The following PIANP variants were observed in gnomAD, a reference collection of about 807,000 sequenced individuals.
The protein encoded by PIANP is PILR alpha-associated neural protein.
In PIANP, 14 loss-of-function variants were observed where a neutral mutation model predicts 28.9. The ratio of observed to expected loss-of-function variants is 0.49; its 90% CI spans 0.32 to 0.76. The LOEUF is 0.76. PIANP is among the 30% of genes least tolerant of loss of function. The pLI is 0.03. For missense variants in PIANP, 322 were observed against 371.8 expected, an observed-to-expected ratio of 0.87 and a Z score of 1.10; for synonymous variants, 149 against 156.6, an observed-to-expected ratio of 0.95 and a Z score of 0.36.
Position 6,697,374 on chromosome 12 carries a change from C to G in PIANP, c.436G>C (p.Asp146His). The G allele has an allele frequency of 1.2e-6, 2 of 1,614,070 alleles. No homozygotes were observed. The highest frequency in any genetic ancestry group is 1.7e-6 in the Non-Finnish European group (2 of 1,179,902). Residue 146 changes from aspartate (D) to histidine (H), a missense_variant, in exon 3 of 5, where the codon GAC (aspartate) becomes CAC (histidine). Asp to His is a moderately conservative substitution (Grantham distance 81). Transcript: ENST00000534837. This position sits in a 1 kb window ranked among gnomAD's most constrained non-coding sequence, Gnocchi z 6.9. ...CCATCTCCATCACCTCGCATGGAGT[C>G]TGAGTTGGGGTGTGGGGTTGCGAGC... ...HGLATPHPNS[D>H]SMRGDGDGLI... is the part of the protein sequence containing the mutation.
At position 6,700,118 on chromosome 12, in the gene PIANP, C is replaced by T. The variant is rs572776965; in HGVS notation, c.-44+496G>A. On this transcript the variant is annotated intron_variant, in intron 1 of 4. Transcript: ENST00000534837. The surrounding 1 kb of genome is among the most constrained non-coding windows in gnomAD (Gnocchi z 5.5). ...GCTGGCGCGCCACCCCCACCCCTCT[C>T]CCAGCTTCTCACCGACCTGTTGTGC... 3.9e-5 allele frequency: 6 copies of T among 152,340 alleles called. No individual in the cohort carries two copies. Among genetic ancestry groups the T allele is most frequent in the Non-Finnish European group, 7.3e-5 (5 of 68,058 alleles). The allele number at this position is 152,340 out of a possible 1,614,324, so 9.4% of individuals were successfully genotyped here.
At position 6,696,430 on chromosome 12, in the gene PIANP, C is replaced by T. The variant is rs762242748; in HGVS notation, c.605+13G>A. The stretch of plus-strand genomic sequence containing the variant: ...CGTCCCCATCCACCAGCACCTTCCT[C>T]CTCCCAGCTTACCAGAACTTGAAGA... On this transcript the variant is annotated intron_variant, in intron 4 of 4. Transcript: ENST00000534837. The surrounding 1 kb of genome is among the most constrained non-coding windows in gnomAD (Gnocchi z 4.0). 3.9e-5 allele frequency: 62 copies of T among 1,581,072 alleles called. No individual in the cohort carries two copies. Among genetic ancestry groups the T allele is most frequent in the Non-Finnish European group, 5.2e-5 (60 of 1,162,496 alleles).
At chr12:6,698,981 C>T (rs934802757) in intron 1 of PIANP, among the ~76,000 whole-genome samples, 1 of 152,198 alleles carries the variant, frequency 6.6e-6, no homozygotes. Flanking sequence ...CAGTGGCTCA[C>T]GCCTGTAATC....
Position 6,695,179 on chromosome 12 carries a change from C to T in PIANP, c.*247G>A. ...GGCAGAGTTGTCTTAGACAAGGTGG[C>T]ATGAGAAAAAACCAAAGAGGGCAGA... On this transcript the variant is annotated 3_prime_UTR_variant, in exon 5 of 5. Transcript: ENST00000534837. This position sits in a 1 kb window ranked among gnomAD's most constrained non-coding sequence, Gnocchi z 4.2. 6.9e-7 allele frequency: 1 copy of T among 1,458,386 alleles called. No individual in the cohort carries two copies. Among genetic ancestry groups the T allele is most frequent in the East Asian group, 2.5e-5 (1 of 39,688 alleles). The allele number at this position is 1,458,386 out of a possible 1,614,324, so 90.3% of individuals were successfully genotyped here. A position where few individuals can be genotyped will look rare whatever the true frequency, so the allele number is the denominator to read the frequency against.
chr12:6,700,268 G>A lies in PIANP; in HGVS notation c.-44+346C>T, dbSNP rs1960014534. Reference sequence around the variant, plus strand: ...TCCCCGCACAGGGCTGGAGAGCGGCGAGAGTGGGGGGAGACGAGGAAAAGG... The same window carrying A: ...TCCCCGCACAGGGCTGGAGAGCGGCAAGAGTGGGGGGAGACGAGGAAAAGG... On this transcript the variant is annotated intron_variant, in intron 1 of 4. Coordinates refer to ENST00000534837, the MANE Select transcript of PIANP (RefSeq NM_001244014.2). The surrounding 1 kb of genome is among the most constrained non-coding windows in gnomAD (Gnocchi z 5.5). The A allele has an allele frequency of 6.6e-6, 1 of 152,476 alleles. No homozygotes were observed. Among genetic ancestry groups the A allele is most frequent in the African/African-American group, 2.4e-5 (1 of 41,466 alleles). The allele number at this position is 152,476 out of a possible 1,614,324, so 9.4% of individuals were successfully genotyped here.
intron 1 of PIANP, chr12:6,698,596 A>G (rs1040750226): frequency 7.1e-6 from 1 of 140,288 alleles, no homozygotes; most frequent in Admixed American, 7.6e-5. Context: ...CATTTGTCTT[A>G]TGATTAGCCC....
In PIANP at chr12:6,695,689, CAAGT is replaced by C. The variant is rs1337542325; in HGVS notation, c.606-42_606-39del. On this transcript the variant is annotated intron_variant, in intron 4 of 4. Coordinates refer to ENST00000534837, the MANE Select transcript of PIANP (RefSeq NM_001244014.2). This position sits in a 1 kb window ranked among gnomAD's most constrained non-coding sequence, Gnocchi z 4.2. ...AGGAAAAGAGGTTCTCTTGCACACT[CAAGT>C]AGCCCCCATCCTGGGCCTGCACCAG... 15 of 1,433,680 alleles carry C rather than the reference CAAGT, an allele frequency of 1.0e-5. No individual in the cohort carries two copies. The South Asian group carries it at 2.0e-4, about 19-fold the overall frequency. The allele number at this position is 1,433,680 out of a possible 1,614,324, so 88.8% of individuals were successfully genotyped here.
chr12:6,697,779 G>A lies in PIANP; in HGVS notation c.31C>T (p.Leu11=). MESRMWPALL[L]SHLLPLWPLL... ...GGCCAGAGAGGGAGGAGGTGGGACA[G>A]CAGCAGCGCAGGCCTGCAAGAAGGG... The change falls in exon 3 of 5, where the codon CTG becomes TTG. Residue 11 remains leucine (L), a synonymous_variant. Transcript: ENST00000534837. The surrounding 1 kb of genome is among the most constrained non-coding windows in gnomAD (Gnocchi z 6.9). The A allele has an allele frequency of 6.5e-7, 1 of 1,545,258 alleles. No individual in the cohort carries two copies. Among genetic ancestry groups the A allele is most frequent in the Non-Finnish European group, 8.7e-7 (1 of 1,148,988 alleles).
rs1269521039 is a variant in PIANP at position 6,694,029 on chromosome 12, G to C, written c.*1397C>G. On this transcript the variant is annotated 3_prime_UTR_variant, in exon 5 of 5. Coordinates refer to ENST00000534837, the MANE Select transcript of PIANP (RefSeq NM_001244014.2). This position sits in a 1 kb window ranked among gnomAD's most constrained non-coding sequence, Gnocchi z 6.1. ...GAAGGAAGGAGGGAGGAAAGGAGGGGACAGGAGGGAGTCCGGGAAGGGAAG... is the reference window on the plus strand; with the variant it reads ...GAAGGAAGGAGGGAGGAAAGGAGGGCACAGGAGGGAGTCCGGGAAGGGAAG... The C allele has an allele frequency of 1.3e-5, 2 of 153,776 alleles. No individual in the cohort carries two copies. Among genetic ancestry groups the C allele is most frequent in the African/African-American group, 4.8e-5 (2 of 41,396 alleles). The allele number at this position is 153,776 out of a possible 1,614,324, so 9.5% of individuals were successfully genotyped here.
rs1592447340 is a variant in PIANP at position 6,695,255 on chromosome 12, A to T, written c.*171T>A. 2 of 1,401,044 alleles carry T rather than the reference A, an allele frequency of 1.4e-6. No individual in the cohort carries two copies. The highest frequency in any genetic ancestry group is 2.6e-5 in the East Asian group (1 of 38,214). 86.8% of individuals were successfully genotyped at this position (1,401,044 alleles called of 1,614,324 possible). On this transcript the variant is annotated 3_prime_UTR_variant, in exon 5 of 5. Transcript: ENST00000534837. The surrounding 1 kb of genome is among the most constrained non-coding windows in gnomAD (Gnocchi z 4.2). ...AGGACACAGATCCTGAGAGACTGGG[A>T]GAAGGAAGGGTGCCTCCCAGAGAGG...
At chr12:6,693,675 G>A (rs984938518), downstream of PIANP, 7 of 152,514 alleles carry the variant, frequency 4.6e-5, no homozygotes, top group African/African-American at 9.6e-5. Context: ...CAGGTCAGAG[G>A]AGGGCAGGTG....
chr12:6,699,501 A>G (rs976644533), intron 1 of PIANP, among the ~76,000 whole-genome samples: 4 of 151,988 alleles, frequency 2.6e-5, no homozygotes, highest in African/African-American at 9.7e-5. Flanking sequence ...GAGTGGGTAC[A>G]GAAGACTCGA....
rs954468554 is a variant in PIANP at position 6,695,723 on chromosome 12, C to T, written c.606-72G>A. 64 of 1,377,322 alleles carry T rather than the reference C, an allele frequency of 4.6e-5. No homozygotes were observed. In the East Asian group the frequency reaches 9.4e-4, roughly 20 times the overall value. 85.3% of individuals were successfully genotyped at this position (1,377,322 alleles called of 1,614,324 possible). ...CCCATCCTGGGCCTGCACCAGTGGTCACCCCCAGCCTCGCCCAGTCACTCC... is the reference window on the plus strand; with the variant it reads ...CCCATCCTGGGCCTGCACCAGTGGTTACCCCCAGCCTCGCCCAGTCACTCC... On this transcript the variant is annotated intron_variant, in intron 4 of 4. Transcript: ENST00000534837. This position sits in a 1 kb window ranked among gnomAD's most constrained non-coding sequence, Gnocchi z 4.2.
rs1408807180 is a variant in PIANP at position 6,694,763 on chromosome 12, TGTGAAG to T, written c.*657_*662del. 2 of 440,336 alleles carry T rather than the reference TGTGAAG, an allele frequency of 4.5e-6. No individual in the cohort carries two copies. The highest frequency in any genetic ancestry group is 8.2e-6 in the Non-Finnish European group (2 of 245,156). 27.3% of individuals were successfully genotyped at this position (440,336 alleles called of 1,614,324 possible). A position where few individuals can be genotyped will look rare whatever the true frequency, so the allele number is the denominator to read the frequency against. On this transcript the variant is annotated 3_prime_UTR_variant, in exon 5 of 5. Coordinates refer to ENST00000534837, the MANE Select transcript of PIANP (RefSeq NM_001244014.2). The surrounding 1 kb of genome is among the most constrained non-coding windows in gnomAD (Gnocchi z 6.1). ...GGTGCAGGAGCGTGTGCAAATGGCCTGTGAAGGTGGAGGTGAGTGTGCAAGGCTTTC... is the reference window on the plus strand; with the variant it reads ...GGTGCAGGAGCGTGTGCAAATGGCCTGTGGAGGTGAGTGTGCAAGGCTTTC...
chr12:6,694,795 A>G lies in PIANP; in HGVS notation c.*631T>C. 2.0e-6 allele frequency: 1 copy of G among 493,794 alleles called. No individual in the cohort carries two copies. The highest frequency in any genetic ancestry group is 3.6e-6 in the Non-Finnish European group (1 of 275,676). 30.6% of individuals were successfully genotyped at this position (493,794 alleles called of 1,614,324 possible). On this transcript the variant is annotated 3_prime_UTR_variant, in exon 5 of 5. Coordinates refer to ENST00000534837, the MANE Select transcript of PIANP (RefSeq NM_001244014.2). This position sits in a 1 kb window ranked among gnomAD's most constrained non-coding sequence, Gnocchi z 6.1. ...GTGGAGGTGAGTGTGCAAGGCTTTCATGTGAGTGCACAAGGGTGGGGACAG... is the reference window on the plus strand; with the variant it reads ...GTGGAGGTGAGTGTGCAAGGCTTTCGTGTGAGTGCACAAGGGTGGGGACAG...
chr12:6,694,883 C>A lies in PIANP; in HGVS notation c.*543G>T, dbSNP rs564189797. 3 of 929,984 alleles carry A rather than the reference C, an allele frequency of 3.2e-6. No individual in the cohort carries two copies. The highest frequency in any genetic ancestry group is 3.1e-6 in the Non-Finnish European group (2 of 651,572). 57.6% of individuals were successfully genotyped at this position (929,984 alleles called of 1,614,324 possible). A position where few individuals can be genotyped will look rare whatever the true frequency, so the allele number is the denominator to read the frequency against. On this transcript the variant is annotated 3_prime_UTR_variant, in exon 5 of 5. Coordinates refer to ENST00000534837, the MANE Select transcript of PIANP (RefSeq NM_001244014.2). This position sits in a 1 kb window ranked among gnomAD's most constrained non-coding sequence, Gnocchi z 6.1. ...AGGAGGGCGAGCAGATAGGATTGCC[C>A]GTGGGGCTGGGGAGTGTTCCGGGTG...
At position 6,695,271 on chromosome 12, in the gene PIANP, C is replaced by G. The variant is rs1959817015; in HGVS notation, c.*155G>C. The G allele has an allele frequency of 1.1e-5, 16 of 1,401,644 alleles. No homozygotes were observed. The highest frequency in any genetic ancestry group is 1.3e-5 in the Non-Finnish European group (14 of 1,071,596). 86.8% of individuals were successfully genotyped at this position (1,401,644 alleles called of 1,614,324 possible). A position where few individuals can be genotyped will look rare whatever the true frequency, so the allele number is the denominator to read the frequency against. ...GAGACTGGGAGAAGGAAGGGTGCCT[C>G]CCAGAGAGGAGCTGGTCCAGCCCCC... On this transcript the variant is annotated 3_prime_UTR_variant, in exon 5 of 5. Coordinates refer to ENST00000534837, the MANE Select transcript of PIANP (RefSeq NM_001244014.2). The surrounding 1 kb of genome is among the most constrained non-coding windows in gnomAD (Gnocchi z 4.2).
At chr12:6,698,348 A>C in intron 1 of PIANP, 1 of 542,864 alleles carries the variant, frequency 1.8e-6, no homozygotes, top group Non-Finnish European at 3.3e-6. Context: ...CCCAGGGTCT[A>C]CTCTGGCTTC....
In PIANP at chr12:6,695,156, C is replaced by G. The variant is rs1399803094; in HGVS notation, c.*270G>C. On this transcript the variant is annotated 3_prime_UTR_variant, in exon 5 of 5. Coordinates refer to ENST00000534837, the MANE Select transcript of PIANP (RefSeq NM_001244014.2). This position sits in a 1 kb window ranked among gnomAD's most constrained non-coding sequence, Gnocchi z 4.2. ...AGAGGGGGAATCAAGGTTAAGAGGG[C>G]AGAGTTGTCTTAGACAAGGTGGCAT... 4.7e-6 allele frequency: 7 copies of G among 1,497,522 alleles called. No individual in the cohort carries two copies. The highest frequency in any genetic ancestry group is 1.3e-5 in the South Asian group (1 of 75,400). 92.8% of individuals were successfully genotyped at this position (1,497,522 alleles called of 1,614,324 possible).
Sources: allele counts gnomAD v4.1 joint callset (sites outside exome capture counted in the v4.1 genomes callset), GRCh38; gene constraint gnomAD v4.1.1; non-coding constraint Gnocchi (gnomAD v3.1); transcripts MANE v1.5; gene names NCBI Gene and HGNC (gene_info 2026-07-23, HGNC 2026-07-21).